The following CWC22 variants were observed in gnomAD, a reference collection of about 807,000 sequenced individuals.
The protein encoded by CWC22 is pre-mRNA-splicing factor CWC22 homolog.
A neutral mutation model predicts 117.2 loss-of-function variants in CWC22; 53 were observed. That is an observed-to-expected ratio of 0.45 (90% confidence interval 0.36 to 0.57). The LOEUF is 0.57. Among genes scored for constraint, CWC22 ranks in the 20% least tolerant of loss-of-function variants. The probability of loss-of-function intolerance (pLI) is 0.00; values close to 1 mark genes in which losing one functional copy is unlikely to be tolerated. For missense variants in CWC22, 980 were observed against 1,068.8 expected (o/e 0.92, Z 1.16); for synonymous variants, 360 against 355.6 (o/e 1.01, Z -0.14).
intron 4 of CWC22, among the ~76,000 whole-genome samples, chr2:179,983,746 A>G (rs1687344946): frequency 6.6e-6 from 1 of 152,118 alleles, no homozygotes; most frequent in African/African-American, 2.4e-5. Context: ...TGGGGGAAAG[A>G]GTGATTTCAA....
chr2:179,946,153 A>T (rs1417847981), intron 19 of CWC22, among the ~76,000 whole-genome samples: 1 of 152,034 alleles, frequency 6.6e-6, no homozygotes, highest in Non-Finnish European at 1.5e-5. Flanking sequence ...AAGAATATAC[A>T]ATATTTCAGG....
At chr2:180,003,429 A>G (rs1687892910) in intron 1 of CWC22, among the ~76,000 whole-genome samples, 1 of 152,192 alleles carries the variant, frequency 6.6e-6, no homozygotes, top group Non-Finnish European at 1.5e-5. Flanking sequence ...TCTGTTCCTC[A>G]GCTTGCCTAA....
intron 4 of CWC22, among the ~76,000 whole-genome samples, chr2:179,984,271 T>C (rs1037199750): frequency 2.0e-5 from 3 of 152,064 alleles, no homozygotes; most frequent in Admixed American, 6.6e-5. Context: ...GCCATTTCCT[T>C]ATCTGTAAAT....
chr2:179,982,135 G>T, intron 4 of CWC22, 138 bp from the exon 5 acceptor site: 1 of 613,696 alleles, frequency 1.6e-6, no homozygotes, highest in Non-Finnish European at 2.9e-6. Flanking sequence ...TGGTGACAAA[G>T]TGTTTCACAG....
intron 13 of CWC22, among the ~76,000 whole-genome samples, chr2:179,961,752 T>C (rs1686757420): frequency 6.6e-6 from 1 of 151,968 alleles, no homozygotes; most frequent in Admixed American, 6.6e-5. Flanking sequence ...TATTTTATTT[T>C]GAAAGTATTT....
At position 179,952,578 on chromosome 2, in the gene CWC22, C is replaced by A; in HGVS notation, c.1710G>T (p.Leu570=). The change falls in exon 17 of 20, where the codon CTG becomes CTT. Residue 570 remains leucine (L), a synonymous_variant. Transcript: ENST00000410053. The stretch of plus-strand genomic sequence containing the variant: ...TGGATGATGTAGTGGTTTCTTCACT[C>A]AGTTTTATACATTCAAGAACCTGAA... ...LPWSVLECIK[L]SEETTTSSSR... The A allele has an allele frequency of 6.8e-7, 1 of 1,466,688 alleles. No individual in the cohort carries two copies. The highest frequency in any genetic ancestry group is 1.4e-5 in the South Asian group (1 of 73,268). 90.9% of individuals were successfully genotyped at this position (1,466,688 alleles called of 1,614,324 possible).
At chr2:179,966,762 T>G (rs943541818) in intron 11 of CWC22, among the ~76,000 whole-genome samples, 1 of 152,188 alleles carries the variant, frequency 6.6e-6, no homozygotes, top group Non-Finnish European at 1.5e-5. Context: ...ATAAAAGACT[T>G]TGCATACCTG....
chr2:179,968,867 G>GT (rs1354022660), intron 11 of CWC22, among the ~76,000 whole-genome samples: 3 of 151,838 alleles, frequency 2.0e-5, no homozygotes, highest in African/African-American at 7.3e-5. Flanking sequence ...TGCCCGGCCC[G>GT]TAAAATAACG....
At chr2:179,990,107 T>C (rs1446952874) in intron 2 of CWC22, among the ~76,000 whole-genome samples, 2 of 152,326 alleles carry the variant, frequency 1.3e-5, no homozygotes, top group East Asian at 3.9e-4. Context: ...CTAATTTATA[T>C]AGGTGAATAA....
intron 11 of CWC22, among the ~76,000 whole-genome samples, chr2:179,967,713 TAA>T (rs1352369926): frequency 1.3e-5 from 2 of 148,788 alleles, no homozygotes; most frequent in Admixed American, 6.7e-5. Context: ...TGATGAAATA[TAA>T]AGTTCATATA....
intron 14 of CWC22, among the ~76,000 whole-genome samples, chr2:179,955,771 G>T (rs1371214427): frequency 2.0e-5 from 3 of 151,882 alleles, no homozygotes; most frequent in African/African-American, 7.2e-5. Context: ...CATCACAGAT[G>T]ATTTCTACTT....
intron 14 of CWC22, among the ~76,000 whole-genome samples, chr2:179,958,483 G>C (rs980846253): frequency 6.6e-6 from 1 of 151,906 alleles, no homozygotes; most frequent in South Asian, 2.1e-4. Flanking sequence ...CAGGCTGCAT[G>C]CAGTCCAGGA....
At chr2:179,988,717 T>C in intron 2 of CWC22, 73 bp from the exon 3 acceptor site, 1 of 755,310 alleles carries the variant, frequency 1.3e-6, no homozygotes, top group Non-Finnish European at 2.1e-6. Flanking sequence ...ATACATGGCT[T>C]AGAAAGTTGG....
intron 6 of CWC22, 129 bp from the exon 7 acceptor site, chr2:179,973,931 AAG>A (rs1314033525): frequency 2.1e-6 from 1 of 465,978 alleles, no homozygotes; most frequent in African/African-American, 2.0e-5. Context: ...ACTAACTGGA[AAG>A]AGTTTGTCTT....
Position 179,970,842 on chromosome 2 carries a change from G to A in CWC22, c.955C>T (p.Leu319Phe), listed in dbSNP as rs1360647886. Reference protein sequence around the residue: ...PRGINAIFERLRNILHESEID... With the variant: ...PRGINAIFERFRNILHESEID... ...TCAGACTCATGCAGAATGTTTCGAA[G>A]GCGTTCAAATATAGCTAAAAGTTAA... Residue 319 changes from leucine (L) to phenylalanine (F), a missense_variant, in exon 10 of 20, where the codon CTT (leucine) becomes TTT (phenylalanine). This residue lies in a region of CWC22 where 559 missense variants were observed against 602.3 expected (regional missense o/e 0.93). Transcript: ENST00000410053. 1 of 1,613,318 alleles carries A rather than the reference G, an allele frequency of 6.2e-7. No homozygotes were observed. The highest frequency in any genetic ancestry group is 1.1e-5 in the South Asian group (1 of 91,032).
At chr2:179,979,051 T>C (rs1285583240) in intron 5 of CWC22, among the ~76,000 whole-genome samples, 1 of 152,196 alleles carries the variant, frequency 6.6e-6, no homozygotes, top group Non-Finnish European at 1.5e-5. Flanking sequence ...TACAGTTCTA[T>C]GGGTTTTGTA....
At chr2:180,004,147 T>G (rs1180051452) in intron 1 of CWC22, among the ~76,000 whole-genome samples, 1 of 152,222 alleles carries the variant, frequency 6.6e-6, no homozygotes, top group Non-Finnish European at 1.5e-5. Context: ...GCCACTTCTT[T>G]CTCGGACTAG....
chr2:179,978,776 G>T (rs1687214914), intron 5 of CWC22, among the ~76,000 whole-genome samples: 1 of 152,030 alleles, frequency 6.6e-6, no homozygotes, highest in Non-Finnish European at 1.5e-5. Flanking sequence ...ATAAAAAGAT[G>T]ACAGAGACAA....
intron 1 of CWC22, among the ~76,000 whole-genome samples, chr2:180,005,495 G>C (rs1408895678): frequency 2.6e-5 from 4 of 152,180 alleles, no homozygotes; most frequent in Admixed American, 2.6e-4. Flanking sequence ...AGAATGGCAT[G>C]AACTAGGGAG....
Sources: allele counts gnomAD v4.1 joint callset (sites outside exome capture counted in the v4.1 genomes callset), GRCh38; gene constraint gnomAD v4.1.1; regional missense constraint gnomAD v4.1.1; transcripts MANE v1.5; gene names NCBI Gene and HGNC (gene_info 2026-07-23, HGNC 2026-07-21).